Variants in TBX15 observed in about 807,000 individuals in gnomAD.
The protein encoded by TBX15 is T-box transcription factor 15, also known as T-box transcription factor TBX15.
In TBX15, 18 loss-of-function variants were observed where a neutral mutation model predicts 53.9. The ratio of observed to expected loss-of-function variants is 0.33; its 90% CI spans 0.23 to 0.49. The LOEUF is 0.49. TBX15 is among the 20% of genes least tolerant of loss of function. The pLI is 0.98. For missense variants in TBX15, 692 were observed against 749.5 expected, an observed-to-expected ratio of 0.92 and a Z score of 0.90; for synonymous variants, 295 against 278.0, an observed-to-expected ratio of 1.06 and a Z score of -0.61.
At position 118,888,635 on chromosome 1, in the gene TBX15, A is replaced by G. The variant is rs377088383; in HGVS notation, c.1025-3119T>C. On this transcript the variant is annotated intron_variant, in intron 7 of 7. Coordinates refer to ENST00000369429, the MANE Select transcript of TBX15 (RefSeq NM_001330677.2). ...GAGAAACCTGACTCCAGCTGTAAAG[A>G]GATTTGTTTTATGGGATAGTTATCT... 1.6e-4 allele frequency among the ~76,000 whole-genome samples: 24 copies of G among 152,330 alleles called. 1 individual carries two copies. Among genetic ancestry groups the G allele is most frequent in the Admixed American group, 1.1e-3 (17 of 15,304 alleles).
At chr1:118,961,854 C>G (rs1193137521) in intron 1 of TBX15, among the ~76,000 whole-genome samples, 1 of 152,132 alleles carries the variant, frequency 6.6e-6, no homozygotes, top group Non-Finnish European at 1.5e-5. Context: ...ATGTACAGTC[C>G]AAGTGCTGAG....
chr1:118,923,805 A>G (rs1655505237), intron 4 of TBX15, among the ~76,000 whole-genome samples: 2 of 152,212 alleles, frequency 1.3e-5, no homozygotes, highest in South Asian at 4.1e-4. Context: ...ATAGCAGGAC[A>G]TCCTTATCAT....
At chr1:118,961,207 C>T (rs889400005) in intron 1 of TBX15, among the ~76,000 whole-genome samples, 6 of 152,146 alleles carry the variant, frequency 3.9e-5, no homozygotes, top group Admixed American at 3.3e-4. Context: ...CATATTCTGT[C>T]GAGACACCCA....
chr1:118,938,261 T>C (rs1408765272), intron 1 of TBX15, among the ~76,000 whole-genome samples: 2 of 152,166 alleles, frequency 1.3e-5, no homozygotes, highest in Non-Finnish European at 2.9e-5. Context: ...CTCCATGCCC[T>C]CCAAGTTCTA....
intron 7 of TBX15, among the ~76,000 whole-genome samples, chr1:118,895,303 G>T (rs367853330): frequency 2.0e-5 from 3 of 152,178 alleles, no homozygotes; most frequent in African/African-American, 7.2e-5. Context: ...ATCCCCTCAT[G>T]TCCACAGATG....
chr1:118,896,492 G>A (rs1239585547), intron 7 of TBX15, among the ~76,000 whole-genome samples: 7 of 152,124 alleles, frequency 4.6e-5, no homozygotes, highest in Admixed American at 3.3e-4. Flanking sequence ...ACCCTCACCA[G>A]TAGCAGCACA....
intron 1 of TBX15, among the ~76,000 whole-genome samples, chr1:118,933,144 C>T (rs1004018980): frequency 1.3e-5 from 2 of 152,108 alleles, no homozygotes; most frequent in African/African-American, 4.8e-5. Context: ...AAAGATACAC[C>T]CCATTGTTCC....
intron 1 of TBX15, among the ~76,000 whole-genome samples, chr1:118,976,336 C>T (rs1423895331): frequency 6.6e-6 from 1 of 152,168 alleles, no homozygotes; most frequent in African/African-American, 2.4e-5. Flanking sequence ...CCATGCAACA[C>T]CCACTAATCC....
intron 6 of TBX15, 35 bp downstream of exon 6, chr1:118,914,080 T>C (rs1655111225): frequency 1.9e-6 from 3 of 1,609,726 alleles, no homozygotes; most frequent in African/African-American, 1.3e-5. Context: ...TAATGTCACA[T>C]AGAAAAGAAG....
At chr1:118,981,701 G>A (rs893981522) in intron 1 of TBX15, among the ~76,000 whole-genome samples, 2 of 152,202 alleles carry the variant, frequency 1.3e-5, no homozygotes, top group African/African-American at 4.8e-5. Flanking sequence ...ATTTCACAGC[G>A]GGTCCTCCCT....
At chr1:118,915,471 C>T (rs772008500) in intron 5 of TBX15, among the ~76,000 whole-genome samples, 1 of 152,180 alleles carries the variant, frequency 6.6e-6, no homozygotes, top group Non-Finnish European at 1.5e-5. Context: ...TATTTTCTTC[C>T]TAAATATTCC....
intron 1 of TBX15, among the ~76,000 whole-genome samples, chr1:118,981,464 G>A (rs1482406876): frequency 6.6e-6 from 1 of 152,096 alleles, no homozygotes. Context: ...ACATACATTT[G>A]TGAACATATG....
intron 1 of TBX15, among the ~76,000 whole-genome samples, chr1:118,974,127 T>G (rs1657341282): frequency 6.6e-6 from 1 of 152,212 alleles, no homozygotes; most frequent in South Asian, 2.1e-4. Context: ...CACCCAAGAT[T>G]GCAGTGTTCA....
intron 1 of TBX15, among the ~76,000 whole-genome samples, chr1:118,948,941 T>C (rs1656428275): frequency 6.6e-6 from 1 of 152,226 alleles, no homozygotes; most frequent in South Asian, 2.1e-4. Flanking sequence ...GAAAGACCTC[T>C]TTCTTGCCAT....
At chr1:118,977,241 T>C (rs1657463848) in intron 1 of TBX15, among the ~76,000 whole-genome samples, 1 of 152,148 alleles carries the variant, frequency 6.6e-6, no homozygotes, top group African/African-American at 2.4e-5. Flanking sequence ...GATAATAAGA[T>C]AGAGTATTTT....
chr1:118,922,884 A>C (rs1371574585), intron 5 of TBX15, among the ~76,000 whole-genome samples: 2 of 151,962 alleles, frequency 1.3e-5, no homozygotes, highest in Non-Finnish European at 2.9e-5. Context: ...CTACAAAGTA[A>C]ATTCTGATGT....
rs561413862 is a variant in TBX15, at chr1:118,926,967, G to A, written c.420-356C>T. Among the ~76,000 whole-genome samples the A allele has an allele frequency of 5.3e-5, 8 of 152,046 alleles. No homozygotes were observed. In the South Asian group the frequency reaches 1.7e-3, roughly 32 times the overall value. ...TCTCGAACTCCTGACCTCGTGATCT[G>A]CCCACCTCGGCCTCCCAAAGTACTG... On this transcript the variant is annotated intron_variant, in intron 2 of 7. Transcript: ENST00000369429.
At chr1:118,935,816 T>C (rs1655949361) in intron 1 of TBX15, among the ~76,000 whole-genome samples, 1 of 152,216 alleles carries the variant, frequency 6.6e-6, no homozygotes, top group Non-Finnish European at 1.5e-5. Context: ...GAACTTTTAA[T>C]TTATGTTTTA....
chr1:118,916,924 A>G (rs1655256461), intron 5 of TBX15, among the ~76,000 whole-genome samples: 1 of 152,124 alleles, frequency 6.6e-6, no homozygotes, highest in Non-Finnish European at 1.5e-5. Flanking sequence ...GAAAAAACAG[A>G]TGCTGGCAAG....
Sources: allele counts gnomAD v4.1 joint callset (sites outside exome capture counted in the v4.1 genomes callset), GRCh38; gene constraint gnomAD v4.1.1; transcripts MANE v1.5; gene names NCBI Gene and HGNC (gene_info 2026-07-23, HGNC 2026-07-21).